KLHL18: variants seen among roughly 807,000 people sequenced by gnomAD.
KLHL18 encodes the protein kelch-like protein 18.
A neutral mutation model predicts 58.5 loss-of-function variants in KLHL18; 38 were observed. That is an observed-to-expected ratio of 0.65 (90% CI 0.50 to 0.85). The LOEUF (loss-of-function observed/expected upper bound fraction) is 0.85, where lower values mean the gene tolerates loss of function less well. Ranked by LOEUF, KLHL18 falls within the 40% of genes least tolerant of loss-of-function variation. The pLI, the probability that KLHL18 is intolerant of heterozygous loss-of-function variation, is 0.00. For synonymous variants in KLHL18, 303 were observed against 301.9 expected (o/e 1.00, Z -0.04); for missense variants, 624 against 778.4 (o/e 0.80, Z 2.36).
At chr3:47,325,483 C>T (rs1011132144) in intron 3 of KLHL18, among the ~76,000 whole-genome samples, 7 of 152,186 alleles carry the variant, frequency 4.6e-5, no homozygotes, top group African/African-American at 1.7e-4. Flanking sequence ...AGGCGTGAGC[C>T]ACCACGCCCA....
intron 1 of KLHL18, among the ~76,000 whole-genome samples, chr3:47,295,682 C>G (rs987729120): frequency 5.3e-5 from 8 of 151,924 alleles, no homozygotes; most frequent in Admixed American, 5.2e-4. Flanking sequence ...ATCTTCCCAC[C>G]TCAGCTTTCT....
intron 1 of KLHL18, among the ~76,000 whole-genome samples, chr3:47,289,526 A>C (rs549283316): frequency 1.3e-5 from 2 of 152,350 alleles, no homozygotes; most frequent in Admixed American, 1.3e-4. Context: ...GGATATGAGG[A>C]AATGAAGTAA....
chr3:47,333,104 G>GT (rs1703901482), intron 4 of KLHL18, 53 bp from the exon 5 acceptor site: 2 of 1,577,246 alleles, frequency 1.3e-6, no homozygotes, highest in Admixed American at 1.7e-5. Flanking sequence ...GAGGCCTGGG[G>GT]TGTGGCCTCT....
chr3:47,308,269 T>G (rs986521700), intron 1 of KLHL18, among the ~76,000 whole-genome samples: 2 of 152,176 alleles, frequency 1.3e-5, no homozygotes, highest in Non-Finnish European at 2.9e-5. Context: ...TTTTAGATTT[T>G]TAGGGGGTAC....
rs117510471 is a variant in KLHL18, at chr3:47,318,403, A to G, written c.130-1250A>G. ...CTTAGAGCAAGTGATCCAGAAGAAG[A>G]GGGTAAGAGGAATTTCAGTGCCTTT... On this transcript the variant is annotated intron_variant, in intron 1 of 9. Transcript: ENST00000232766. Among the ~76,000 whole-genome samples, 94 of 152,306 alleles carry G rather than the reference A, an allele frequency of 6.2e-4. 1 individual carries two copies. The East Asian group carries it at 0.018, about 29-fold the overall frequency.
chr3:47,294,973 G>GT (rs974790167), intron 1 of KLHL18, among the ~76,000 whole-genome samples: 11 of 152,056 alleles, frequency 7.2e-5, no homozygotes, highest in Non-Finnish European at 1.5e-4. Flanking sequence ...CAGCGGAGCC[G>GT]TGAGTCGAGC....
At position 47,343,733 on chromosome 3, in the gene KLHL18, T is replaced by C; in HGVS notation, c.1517T>C (p.Leu506Pro). 6.2e-7 allele frequency: 1 copy of C among 1,614,192 alleles called. No homozygotes were observed. Among genetic ancestry groups the C allele is most frequent in the Non-Finnish European group, 8.5e-7 (1 of 1,180,034 alleles). The change falls in exon 10 of 10, where the codon CTG becomes CCG. Residue 506 changes from leucine to proline, a missense_variant. Leu to Pro is a moderately conservative substitution (Grantham distance 98). Coordinates refer to ENST00000232766, the MANE Select transcript of KLHL18 (RefSeq NM_025010.5). ...MYSSVADQWCLIVPMHTRRSR... is the reference protein window; with the variant it reads ...MYSSVADQWCPIVPMHTRRSR... ...AGCTCTGTGGCAGACCAGTGGTGCCTGATTGTCCCCATGCACACGCGCAGG... is the reference window on the plus strand; with the variant it reads ...AGCTCTGTGGCAGACCAGTGGTGCCCGATTGTCCCCATGCACACGCGCAGG...
intron 1 of KLHL18, among the ~76,000 whole-genome samples, chr3:47,304,241 TTGC>T (rs1703088484): frequency 6.6e-6 from 1 of 152,196 alleles, no homozygotes; most frequent in Non-Finnish European, 1.5e-5. Context: ...AAAAACAATC[TTGC>T]TGGTAATCCC....
chr3:47,320,512 C>T (rs1703560624), intron 2 of KLHL18, among the ~76,000 whole-genome samples: 1 of 152,114 alleles, frequency 6.6e-6, no homozygotes, highest in South Asian at 2.1e-4. Flanking sequence ...ACCTCTTAAT[C>T]TGACAGTGGT....
At position 47,345,706 on chromosome 3, in the gene KLHL18, G is replaced by T. The variant is rs1704213034; in HGVS notation, c.*1765G>T. On this transcript the variant is annotated 3_prime_UTR_variant, in exon 10 of 10. Transcript: ENST00000232766. Reference sequence around the variant, plus strand: ...TTAGGGCTCCAGTCTCCACCTGCTTGGTTTCCTATCCTTTGCTGCCTGCCT... The same window carrying T: ...TTAGGGCTCCAGTCTCCACCTGCTTTGTTTCCTATCCTTTGCTGCCTGCCT... 6.6e-6 allele frequency: 1 copy of T among 152,536 alleles called. No individual in the cohort carries two copies. Among genetic ancestry groups the T allele is most frequent in the African/African-American group, 2.4e-5 (1 of 41,398 alleles). 9.4% of individuals were successfully genotyped at this position (152,536 alleles called of 1,614,324 possible).
At chr3:47,283,180 T>G (rs1326137158) in intron 1 of KLHL18, 86 bp downstream of exon 1, 5 of 959,628 alleles carry the variant, frequency 5.2e-6, no homozygotes, top group Admixed American at 6.2e-5. Context: ...AAGAGAGGTC[T>G]AGCAGGGAGA....
intron 1 of KLHL18, among the ~76,000 whole-genome samples, chr3:47,286,378 CTCTT>C (rs1268135343): frequency 2.0e-5 from 3 of 152,224 alleles, no homozygotes; most frequent in African/African-American, 7.2e-5. Flanking sequence ...TATTTTGTCT[CTCTT>C]TCTTGTCAAA....
intron 8 of KLHL18, among the ~76,000 whole-genome samples, chr3:47,342,446 G>A (rs1704130045): frequency 6.6e-6 from 1 of 152,232 alleles, no homozygotes; most frequent in Admixed American, 6.5e-5. Context: ...AACAAGGCAG[G>A]GAGTGCAGGG....
At position 47,319,706 on chromosome 3, in the gene KLHL18, G is replaced by A. The variant is rs778874814; in HGVS notation, c.183G>A (p.Pro61=). Residue 61 remains proline (P), a synonymous_variant, in exon 2 of 10, where the codon CCG becomes CCA. Coordinates refer to ENST00000232766, the MANE Select transcript of KLHL18 (RefSeq NM_025010.5). ...AHRIVLAASI[P]YFHAMFTNDM... is the part of the protein sequence containing the mutation. ...GGATTGTCTTAGCAGCCTCGATCCCGTATTTCCATGCTATGTTTACAAATG... is the reference window on the plus strand; with the variant it reads ...GGATTGTCTTAGCAGCCTCGATCCCATATTTCCATGCTATGTTTACAAATG... The A allele has an allele frequency of 4.0e-5, 64 of 1,613,848 alleles. No homozygotes were observed. Among genetic ancestry groups the A allele is most frequent in the South Asian group, 1.4e-4 (13 of 91,086 alleles).
At chr3:47,288,369 C>T (rs1029354626) in intron 1 of KLHL18, among the ~76,000 whole-genome samples, 2 of 152,096 alleles carry the variant, frequency 1.3e-5, no homozygotes, top group African/African-American at 4.8e-5. Context: ...CTAGACTCTT[C>T]GTCTCCATAT....
Position 47,317,616 on chromosome 3 carries a change from A to C in KLHL18, c.130-2037A>C, listed in dbSNP as rs193213810. On this transcript the variant is annotated intron_variant, in intron 1 of 9. Transcript: ENST00000232766. ...TATATTAACCAGAGTTTTATGCTCT[A>C]GGGAAAAGAAAAATTATACAAAAAG... Among the ~76,000 whole-genome samples the C allele has an allele frequency of 1.9e-3, 291 of 152,330 alleles. 3 individuals carry two copies. Among genetic ancestry groups the C allele is most frequent in the African/African-American group, 6.4e-3 (266 of 41,560 alleles).
intron 8 of KLHL18, among the ~76,000 whole-genome samples, chr3:47,341,444 C>T (rs548255257): frequency 6.6e-5 from 10 of 152,254 alleles, no homozygotes; most frequent in African/African-American, 2.2e-4. Context: ...TCATGATCAT[C>T]CTACCCTGGA....
intron 1 of KLHL18, among the ~76,000 whole-genome samples, chr3:47,302,245 G>A (rs1036726384): frequency 2.6e-5 from 4 of 152,218 alleles, no homozygotes; most frequent in African/African-American, 9.6e-5. Flanking sequence ...CCAGCACTTT[G>A]GGAGGCTGAG....
rs761485757 is a variant in KLHL18 at position 47,343,671 on chromosome 3, C to T, written c.1455C>T (p.Tyr485=). ...GCAAGATGTTTGTCTGCGGGGGCTA[C>T]GATGGCTCTGGCTTCCTCAGCATTG... ...LGSKMFVCGG[Y]DGSGFLSIAE... is the part of the protein sequence containing the mutation. Residue 485 remains tyrosine (Y), a synonymous_variant, in exon 10 of 10, where the codon TAC becomes TAT. Coordinates refer to ENST00000232766, the MANE Select transcript of KLHL18 (RefSeq NM_025010.5). 15 of 1,613,990 alleles carry T rather than the reference C, an allele frequency of 9.3e-6. No individual in the cohort carries two copies. Among genetic ancestry groups the T allele is most frequent in the South Asian group, 7.7e-5 (7 of 91,086 alleles).
Sources: allele counts gnomAD v4.1 joint callset (sites outside exome capture counted in the v4.1 genomes callset), GRCh38; gene constraint gnomAD v4.1.1; transcripts MANE v1.5; gene names NCBI Gene and HGNC (gene_info 2026-07-23, HGNC 2026-07-21).